SLC26A3: variants seen among roughly 807,000 people sequenced by gnomAD.
SLC26A3 encodes the protein chloride anion exchanger.
Under a neutral mutation model 85.6 loss-of-function variants are expected in SLC26A3, and 64 were observed. That is an observed-to-expected ratio of 0.75 (90% CI 0.61 to 0.92). The LOEUF is 0.92. Ranked by LOEUF, SLC26A3 falls within the 40% of genes least tolerant of loss-of-function variation. SLC26A3 has a pLI of 0.00. For missense variants in SLC26A3, 922 were observed against 927.3 expected (o/e 0.99, Z 0.07); for synonymous variants, 349 against 336.0 (o/e 1.04, Z -0.42).
intron 12 of SLC26A3, 78 bp downstream of exon 12, chr7:107,779,590 T>C (rs1033041654): frequency 9.9e-5 from 115 of 1,160,226 alleles, no homozygotes; most frequent in Non-Finnish European, 1.4e-4. Context: ...TAGTTTACAA[T>C]ATAAACATGC....
intron 14 of SLC26A3, 28 bp from the exon 15 acceptor site, chr7:107,776,572 G>C (rs1254998552): frequency 6.2e-7 from 1 of 1,608,466 alleles, no homozygotes; most frequent in Admixed American, 1.7e-5. Flanking sequence ...ATTGTTAGGT[G>C]TTGCCCATTA....
chr7:107,797,873 G>C (rs1165996732), intron 1 of SLC26A3, among the ~76,000 whole-genome samples: 1 of 151,488 alleles, frequency 6.6e-6, no homozygotes, highest in South Asian at 2.1e-4. Context: ...TTACATTTTT[G>C]CCAGAAATTC....
intron 8 of SLC26A3, among the ~76,000 whole-genome samples, chr7:107,783,850 C>A (rs142958611): frequency 2.6e-5 from 4 of 152,260 alleles, no homozygotes; most frequent in African/African-American, 7.2e-5. Context: ...TGGACTCTGC[C>A]CTGCACTTCA....
In SLC26A3 at chr7:107,765,704, A is replaced by G; in HGVS notation, c.*151T>C. ...ATTTCATACTAGATATGTGAAAAAT[A>G]TGCCATGCTAGAACCATCTTGTTCC... On this transcript the variant is annotated 3_prime_UTR_variant, in exon 21 of 21. Transcript: ENST00000340010. 1 of 576,188 alleles carries G rather than the reference A, an allele frequency of 1.7e-6. No homozygotes were observed. Among genetic ancestry groups the G allele is most frequent in the Non-Finnish European group, 3.1e-6 (1 of 321,028 alleles). 35.7% of individuals were successfully genotyped at this position (576,188 alleles called of 1,614,324 possible). A position where few individuals can be genotyped will look rare whatever the true frequency, so the allele number is the denominator to read the frequency against.
intron 18 of SLC26A3, among the ~76,000 whole-genome samples, chr7:107,770,030 CTT>C (rs1793985750): frequency 2.6e-5 from 2 of 76,358 alleles, no homozygotes; most frequent in Admixed American, 1.2e-4. Flanking sequence ...TTCTTTCTTT[CTT>C]TCTTTCTTTC....
At chr7:107,775,982 T>A (rs1325412841) in intron 15 of SLC26A3, 1 of 218,326 alleles carries the variant, frequency 4.6e-6, no homozygotes, top group African/African-American at 2.3e-5. Flanking sequence ...CTGTCAAGAC[T>A]GCTTCCTTGT....
rs1794183905 is a variant in SLC26A3, at chr7:107,779,674, A to G, written c.1401T>C (p.Tyr467=). The change falls in exon 12 of 21, where the codon TAT becomes TAC. Residue 467 remains tyrosine (Y), a synonymous_variant. Coordinates refer to ENST00000340010, the MANE Select transcript of SLC26A3 (RefSeq NM_000111.3). ...TACTATTGCCTCTACTTACACAATC[A>G]TATTTGTCCTTTCGCCACAATCTGC... ...EIGRLWRKDK[Y]DCLIWIMTFI... is the part of the protein sequence containing the mutation. 1.9e-6 allele frequency: 3 copies of G among 1,611,398 alleles called. No homozygotes were observed. Among genetic ancestry groups the G allele is most frequent in the African/African-American group, 2.7e-5 (2 of 74,866 alleles).
intron 1 of SLC26A3, among the ~76,000 whole-genome samples, chr7:107,800,673 A>G (rs1481159874): frequency 6.6e-6 from 1 of 152,246 alleles, no homozygotes; most frequent in African/African-American, 2.4e-5. Flanking sequence ...AGTTTGTTGA[A>G]ATAAACTGAA....
chr7:107,767,486 C>CT (rs1793933837), intron 20 of SLC26A3, 93 bp downstream of exon 20: 5 of 926,766 alleles, frequency 5.4e-6, no homozygotes, highest in East Asian at 2.5e-5. Context: ...AAGTGCTGGA[C>CT]TTTCTGCCAC....
chr7:107,765,749 G>A lies in SLC26A3; in HGVS notation c.*106C>T, dbSNP rs1002358521. ...TGTTCCAAAGTTTGAAACATATTCTGTCAAAAATACTCTTCGTACAATGTA... is the reference window on the plus strand; with the variant it reads ...TGTTCCAAAGTTTGAAACATATTCTATCAAAAATACTCTTCGTACAATGTA... On this transcript the variant is annotated 3_prime_UTR_variant, in exon 21 of 21. Coordinates refer to ENST00000340010, the MANE Select transcript of SLC26A3 (RefSeq NM_000111.3). 1.2e-6 allele frequency: 1 copy of A among 866,826 alleles called. No homozygotes were observed. The highest frequency in any genetic ancestry group is 1.5e-5 in the South Asian group (1 of 68,674). 53.7% of individuals were successfully genotyped at this position (866,826 alleles called of 1,614,324 possible).
chr7:107,792,567 A>C (rs1412055051), intron 3 of SLC26A3, among the ~76,000 whole-genome samples: 3 of 152,082 alleles, frequency 2.0e-5, no homozygotes, highest in Non-Finnish European at 2.9e-5. Flanking sequence ...GGAGCTCAGG[A>C]GGTAAAGAGA....
rs535268781 is a variant in SLC26A3, at chr7:107,787,572, A to C, written c.736-63T>G. On this transcript the variant is annotated intron_variant, in intron 6 of 20. Coordinates refer to ENST00000340010, the MANE Select transcript of SLC26A3 (RefSeq NM_000111.3). Reference sequence around the variant, plus strand: ...TTAATGCACAATTTGGATACAACGCATCTCCAAACAAATAAAAATAAACAT... The same window carrying C: ...TTAATGCACAATTTGGATACAACGCCTCTCCAAACAAATAAAAATAAACAT... The C allele has an allele frequency of 1.2e-4, 160 of 1,359,392 alleles. 3 individuals carry two copies. In the South Asian group the frequency reaches 1.2e-3, roughly 10 times the overall value. The allele number at this position is 1,359,392 out of a possible 1,614,324, so 84.2% of individuals were successfully genotyped here. A position where few individuals can be genotyped will look rare whatever the true frequency, so the allele number is the denominator to read the frequency against.
intron 18 of SLC26A3, among the ~76,000 whole-genome samples, chr7:107,769,737 T>A (rs550307657): frequency 3.3e-5 from 5 of 152,326 alleles, no homozygotes; most frequent in African/African-American, 7.2e-5. Context: ...AAGTTTTTTT[T>A]AAAAGTCTTG....
intron 8 of SLC26A3, 75 bp from the exon 9 acceptor site, chr7:107,783,427 G>A: frequency 6.6e-7 from 1 of 1,516,446 alleles, no homozygotes; most frequent in Non-Finnish European, 9.1e-7. Flanking sequence ...GCAAATCAAT[G>A]AATGAATGCA....
intron 4 of SLC26A3, 50 bp from the exon 5 acceptor site, chr7:107,791,285 A>T (rs748030835): frequency 6.4e-7 from 1 of 1,553,404 alleles, no homozygotes. Flanking sequence ...TCTAAAGCAC[A>T]TTGTCTTTCA....
intron 8 of SLC26A3, among the ~76,000 whole-genome samples, chr7:107,785,269 T>G (rs1027607406): frequency 2.6e-5 from 4 of 152,032 alleles, no homozygotes; most frequent in African/African-American, 9.7e-5. Context: ...AGGCACAGAG[T>G]TTTTGGTAAT....
chr7:107,778,463 AG>A (rs1285578293), intron 12 of SLC26A3, among the ~76,000 whole-genome samples, 182 bp from the exon 13 acceptor site: 2 of 145,090 alleles, frequency 1.4e-5, no homozygotes, highest in Admixed American at 7.2e-5. Flanking sequence ...ATCTTGGGCC[AG>A]GGAGCAAAGT....
chr7:107,783,911 A>G (rs559309797), intron 8 of SLC26A3, among the ~76,000 whole-genome samples: 1 of 152,330 alleles, frequency 6.6e-6, no homozygotes, highest in Non-Finnish European at 1.5e-5. Flanking sequence ...ATTTCTCTTT[A>G]AGGTGATATA....
chr7:107,767,796 A>C lies in SLC26A3; in HGVS notation c.2175T>G (p.Asp725Glu). ...TGGGATTAAACTTTGAAGTACTGTA[A>C]TCTTTCTTCATCAAAATATGCAAAA... Reference protein sequence around the residue: ...DAVLHILMKKDYSTSKFNPSQ... With the variant: ...DAVLHILMKKEYSTSKFNPSQ... The change falls in exon 19 of 21, where the codon GAT becomes GAG. Residue 725 changes from aspartate to glutamate, a missense_variant. By Grantham distance (45) the Asp-to-Glu change is conservative (BLOSUM62 2). Coordinates refer to ENST00000340010, the MANE Select transcript of SLC26A3 (RefSeq NM_000111.3). The C allele has an allele frequency of 6.2e-7, 1 of 1,613,890 alleles. No homozygotes were observed. The highest frequency in any genetic ancestry group is 8.5e-7 in the Non-Finnish European group (1 of 1,179,870).
Sources: allele counts gnomAD v4.1 joint callset (sites outside exome capture counted in the v4.1 genomes callset), GRCh38; gene constraint gnomAD v4.1.1; transcripts MANE v1.5; gene names NCBI Gene and HGNC (gene_info 2026-07-23, HGNC 2026-07-21).